DYNC2H1: variants seen among roughly 807,000 people sequenced by gnomAD.
The protein encoded by DYNC2H1 is dynein cytoplasmic 2 heavy chain 1, also known as cytoplasmic dynein 2 heavy chain 1.
In DYNC2H1, 410 loss-of-function variants were observed where a neutral mutation model predicts 570.0. That is an observed-to-expected ratio of 0.72 (90% CI 0.66 to 0.78). The LOEUF is 0.78. DYNC2H1 is among the 30% of genes least tolerant of loss of function. The pLI is 0.00. For missense variants in DYNC2H1, 4,865 were observed against 5,046.4 expected (o/e 0.96, Z 1.09); for synonymous variants, 1,688 against 1,677.6 (o/e 1.01, Z -0.15).
Position 103,447,834 on chromosome 11 carries a change from A to G in DYNC2H1, c.12457-7352A>G, listed in dbSNP as rs959739354. Among the ~76,000 whole-genome samples the G allele has an allele frequency of 1.8e-4, 28 of 152,016 alleles. 1 individual carries two copies. The stretch of plus-strand genomic sequence containing the variant: ...TTCTTCTCTGTTTTGTTAATTCAAG[A>G]TTTGAGTTTTGGGGTTTTTTAATGT... On this transcript the variant is annotated intron_variant, in intron 85 of 88. Transcript: ENST00000375735.
chr11:103,383,770 G>A lies in DYNC2H1; in HGVS notation c.12157-15893G>A, dbSNP rs1367471675. Among the ~76,000 whole-genome samples the A allele has an allele frequency of 4.6e-5, 7 of 151,978 alleles. No individual in the cohort carries two copies. In the East Asian group the frequency reaches 7.7e-4, roughly 17 times the overall value. ...ATTACAGACGTGAACCACCATGCCC[G>A]GCCTCTCCTTTTAAAAATCTTAATA... On this transcript the variant is annotated intron_variant, in intron 83 of 88. Coordinates refer to ENST00000375735, the MANE Select transcript of DYNC2H1 (RefSeq NM_001377.3).
intron 6 of DYNC2H1, 25 bp from the exon 7 acceptor site, chr11:103,120,422 C>A: frequency 1.3e-6 from 2 of 1,557,362 alleles, no homozygotes; most frequent in Non-Finnish European, 1.7e-6. Flanking sequence ...TAAATAAATT[C>A]TGTTGTTTTA....
rs1017175596 is a variant in DYNC2H1 at position 103,369,654 on chromosome 11, G to T, written c.12156+11295G>T. On this transcript the variant is annotated intron_variant, in intron 83 of 88. Coordinates refer to ENST00000375735, the MANE Select transcript of DYNC2H1 (RefSeq NM_001377.3). This position sits in a 1 kb window ranked among gnomAD's most constrained non-coding sequence, Gnocchi z 4.0. ...ACAACAGGATAGGGAACCAGTCAAA[G>T]TTGTGAGCCCTTTTTCTAGGCCCTA... Among the ~76,000 whole-genome samples the T allele has an allele frequency of 7.2e-5, 11 of 152,176 alleles. No individual in the cohort carries two copies. The highest frequency in any genetic ancestry group is 1.5e-4 in the Non-Finnish European group (10 of 68,038).
chr11:103,110,345 G>A (rs1009831567), intron 1 of DYNC2H1, among the ~76,000 whole-genome samples: 1 of 151,824 alleles, frequency 6.6e-6, no homozygotes, highest in Non-Finnish European at 1.5e-5. Context: ...CTGCAGATAC[G>A]TTATAACTAA....
chr11:103,305,406 T>G lies in DYNC2H1; in HGVS notation c.11382+686T>G, dbSNP rs558505706. 6.6e-6 allele frequency among the ~76,000 whole-genome samples: 1 copy of G among 152,222 alleles called. No homozygotes were observed. Among genetic ancestry groups the G allele is most frequent in the Admixed American group, 6.6e-5 (1 of 15,266 alleles). ...ACAAGGAATGAAGAGATGTCCTTGA[T>G]AGTACTAGACGGGCCAGGCAGGGAA... is the stretch of plus-strand genomic sequence containing the variant. On this transcript the variant is annotated intron_variant, in intron 77 of 88. Transcript: ENST00000375735. The surrounding 1 kb of genome is among the most constrained non-coding windows in gnomAD (Gnocchi z 4.3).
At chr11:103,118,968 A>G (rs1858558150) in intron 6 of DYNC2H1, among the ~76,000 whole-genome samples, 1 of 151,854 alleles carries the variant, frequency 6.6e-6, no homozygotes, top group Non-Finnish European at 1.5e-5. Context: ...GAGTTACAAA[A>G]TGGTGATTTT....
chr11:103,451,324 C>CTT (rs34032894), intron 85 of DYNC2H1, among the ~76,000 whole-genome samples: 1,005 of 71,036 alleles, frequency 0.014, 213 homozygotes, highest in East Asian at 0.052. Flanking sequence ...AGTAAAAGGG[C>CTT]TTTTTTTTTT....
chr11:103,279,431 G>A (rs115684321), intron 70 of DYNC2H1, among the ~76,000 whole-genome samples: 4 of 152,136 alleles, frequency 2.6e-5, no homozygotes, highest in Non-Finnish European at 4.4e-5. Context: ...TGTATGCGGC[G>A]TATTATTGAA....
At chr11:103,283,342 G>C (rs1238306596) in intron 73 of DYNC2H1, among the ~76,000 whole-genome samples, 1 of 152,096 alleles carries the variant, frequency 6.6e-6, no homozygotes, top group Non-Finnish European at 1.5e-5. Context: ...ACCATGGTAA[G>C]TTAGGCTATG....
At chr11:103,475,026 A>G (rs1945508895) in intron 88 of DYNC2H1, among the ~76,000 whole-genome samples, 1 of 152,210 alleles carries the variant, frequency 6.6e-6, no homozygotes. Flanking sequence ...CACTTTAGGA[A>G]AGCAGAAAAA....
chr11:103,331,374 C>T (rs920704640), intron 82 of DYNC2H1, among the ~76,000 whole-genome samples: 4 of 151,976 alleles, frequency 2.6e-5, no homozygotes, highest in African/African-American at 7.3e-5. Context: ...AGAAACACAG[C>T]TATTTTGTGG....
rs1864584614 is a variant in DYNC2H1 at position 103,245,602 on chromosome 11, G to C, written c.10042+228G>C. Among the ~76,000 whole-genome samples the C allele has an allele frequency of 6.6e-6, 1 of 152,066 alleles. No individual in the cohort carries two copies. Among genetic ancestry groups the C allele is most frequent in the Non-Finnish European group, 1.5e-5 (1 of 67,986 alleles). ...AGTTTACTGGGGGTTGATTACGTAA[G>C]CACACTCTCCCTAGCACATTACAAA... On this transcript the variant is annotated intron_variant, in intron 65 of 88. Coordinates refer to ENST00000375735, the MANE Select transcript of DYNC2H1 (RefSeq NM_001377.3). This position sits in a 1 kb window ranked among gnomAD's most constrained non-coding sequence, Gnocchi z 4.5.
At chr11:103,225,748 C>T (rs1277149002) in intron 59 of DYNC2H1, among the ~76,000 whole-genome samples, 2 of 151,890 alleles carry the variant, frequency 1.3e-5, no homozygotes, top group African/African-American at 2.4e-5. Flanking sequence ...TTTTTTGGTT[C>T]CATATGAATT....
At chr11:103,166,839 G>A (rs1038557776) in intron 31 of DYNC2H1, among the ~76,000 whole-genome samples, 1 of 151,790 alleles carries the variant, frequency 6.6e-6, no homozygotes, top group Non-Finnish European at 1.5e-5. Flanking sequence ...GCTTCAATCT[G>A]TACATTTGTT....
At chr11:103,392,056 C>T (rs1942177390) in intron 83 of DYNC2H1, among the ~76,000 whole-genome samples, 1 of 152,206 alleles carries the variant, frequency 6.6e-6, no homozygotes. Flanking sequence ...CCGCAGAGGA[C>T]ATTTCTGCTG....
chr11:103,187,270 C>A, intron 42 of DYNC2H1, 70 bp from the exon 43 acceptor site: 1 of 1,574,132 alleles, frequency 6.4e-7, no homozygotes, highest in Non-Finnish European at 8.6e-7. Context: ...ATAGAAATTT[C>A]TTATTGAGTA....
At chr11:103,113,462 G>C in intron 1 of DYNC2H1, 75 bp from the exon 2 acceptor site, 1 of 1,215,516 alleles carries the variant, frequency 8.2e-7, no homozygotes. Flanking sequence ...TAATTATAGT[G>C]ATAGAACTTT....
In DYNC2H1 at chr11:103,173,152, A is replaced by G; in HGVS notation, c.5405A>G (p.Gln1802Arg). 1 of 1,560,704 alleles carries G rather than the reference A, an allele frequency of 6.4e-7. No homozygotes were observed. Among genetic ancestry groups the G allele is most frequent in the South Asian group, 1.2e-5 (1 of 82,962 alleles). ...GCTGGAAAAGGTTATGGAGGAAGAC[A>G]AAAACTGCCTGATAATCTTAAACAG... ...NPAGKGYGGR[Q>R]KLPDNLKQLF... Residue 1802 changes from glutamine to arginine, a missense_variant, in exon 35 of 89, where the codon CAA becomes CGA. Physicochemically the swap from Gln to Arg is conservative, Grantham distance 43. Coordinates refer to ENST00000375735, the MANE Select transcript of DYNC2H1 (RefSeq NM_001377.3).
intron 83 of DYNC2H1, among the ~76,000 whole-genome samples, chr11:103,361,680 C>T (rs768716348): frequency 8.6e-5 from 13 of 152,020 alleles, no homozygotes; most frequent in African/African-American, 1.2e-4. Flanking sequence ...GCTTACATTA[C>T]GGTGGCAGAG....
Sources: gnomAD v4.1 joint callset for allele counts (sites outside exome capture counted in the v4.1 genomes callset) on GRCh38, gnomAD v4.1.1 for gene constraint, Gnocchi (gnomAD v3.1) non-coding constraint, MANE v1.5 for transcripts, NCBI Gene and HGNC (gene_info 2026-07-23, HGNC 2026-07-21) for gene names.